Variants in PHKG1 observed in about 807,000 individuals in gnomAD.
PHKG1 encodes phosphorylase b kinase gamma catalytic chain, skeletal muscle/heart isoform.
PHKG1 carries 48 observed loss-of-function variants against 50.5 expected under a neutral mutation model. The ratio of observed to expected loss-of-function variants is 0.95; its 90% CI spans 0.75 to 1.21. The LOEUF is 1.21. Among genes scored for constraint, PHKG1 ranks in the 50% most tolerant of loss-of-function variants. The pLI, the probability that PHKG1 is intolerant of heterozygous loss-of-function variation, is 0.00. For missense variants in PHKG1, 487 were observed against 519.5 expected, an observed-to-expected ratio of 0.94 and a Z score of 0.61; for synonymous variants, 204 against 212.8, an observed-to-expected ratio of 0.96 and a Z score of 0.36.
chr7:56,088,944 T>C lies in PHKG1; in HGVS notation c.-3A>G. Reference sequence around the variant, plus strand: ...GGCAGTGCCTCGTCCCGGGTCATGCTCAGATCTTCAGTGAGGGAACTCTGG... The same window carrying C: ...GGCAGTGCCTCGTCCCGGGTCATGCCCAGATCTTCAGTGAGGGAACTCTGG... On this transcript the variant is annotated 5_prime_UTR_variant, in exon 2 of 10. It removes the in-frame stop codon of an upstream open reading frame in the 5' UTR. Coordinates refer to ENST00000297373, the MANE Select transcript of PHKG1 (RefSeq NM_006213.5). 1.2e-6 allele frequency: 2 copies of C among 1,608,736 alleles called. No individual in the cohort carries two copies. Among genetic ancestry groups the C allele is most frequent in the African/African-American group, 1.3e-5 (1 of 74,886 alleles).
intron 4 of PHKG1, among the ~76,000 whole-genome samples, chr7:56,086,427 C>T (rs1210675658): frequency 6.6e-6 from 1 of 152,122 alleles, no homozygotes; most frequent in East Asian, 1.9e-4. Context: ...AATCCCAGCA[C>T]TTTGGGAGGC....
At chr7:56,092,198 C>A (rs1296313811) in intron 1 of PHKG1, among the ~76,000 whole-genome samples, 1 of 152,194 alleles carries the variant, frequency 6.6e-6, no homozygotes, top group Admixed American at 6.5e-5. Context: ...CAACTTTGTG[C>A]CTCTGTCTAC....
intron 4 of PHKG1, 159 bp downstream of exon 4, chr7:56,086,811 C>G (rs1796270799): frequency 1.6e-6 from 1 of 628,402 alleles, no homozygotes; most frequent in African/African-American, 1.8e-5. Flanking sequence ...CCAAAGCCGG[C>G]AGCCTGACCC....
intron 4 of PHKG1, among the ~76,000 whole-genome samples, chr7:56,085,537 A>G (rs1188092580): frequency 6.6e-6 from 1 of 152,222 alleles, no homozygotes; most frequent in Non-Finnish European, 1.5e-5. Flanking sequence ...GGTGATGGTG[A>G]TGATGATATT....
At chr7:56,092,192 T>A (rs1446859208) in intron 1 of PHKG1, among the ~76,000 whole-genome samples, 1 of 152,284 alleles carries the variant, frequency 6.6e-6, no homozygotes, top group Non-Finnish European at 1.5e-5. Flanking sequence ...TGGGGCCAAC[T>A]TTGTGCCTCT....
chr7:56,090,720 C>G (rs1227017598), intron 1 of PHKG1, among the ~76,000 whole-genome samples: 2 of 152,162 alleles, frequency 1.3e-5, no homozygotes, highest in Non-Finnish European at 2.9e-5. Context: ...TGGGCAGGTA[C>G]CCCTTTGGCT....
At chr7:56,082,358 C>T (rs1176121654) in intron 6 of PHKG1, 105 bp from the exon 7 acceptor site, 7 of 845,384 alleles carry the variant, frequency 8.3e-6, no homozygotes, top group African/African-American at 1.7e-5. Context: ...TTTGGGAGGC[C>T]GAGGCAGGTG....
chr7:56,081,905 G>C lies in PHKG1; in HGVS notation c.780C>G (p.Thr260=), dbSNP rs1317783666. 3.7e-6 allele frequency: 6 copies of C among 1,613,454 alleles called. No homozygotes were observed. Among genetic ancestry groups the C allele is most frequent in the Admixed American group, 1.7e-5 (1 of 59,996 alleles). ...CCTGGCCTCTCACCAGGTCCTTCACGGTGTCCGAGTAATCATCCCACTCGG... is the reference window on the plus strand; with the variant it reads ...CCTGGCCTCTCACCAGGTCCTTCACCGTGTCCGAGTAATCATCCCACTCGG... ...GSPEWDDYSD[T]VKDLVSRFLV... Residue 260 remains threonine, a synonymous_variant, in exon 8 of 10, where the codon ACC becomes ACG. Coordinates refer to ENST00000297373, the MANE Select transcript of PHKG1 (RefSeq NM_006213.5). This position sits in a 1 kb window ranked among gnomAD's most constrained non-coding sequence, Gnocchi z 4.6.
chr7:56,082,108 T>A, intron 7 of PHKG1, 55 bp downstream of exon 7: 1 of 1,611,202 alleles, frequency 6.2e-7, no homozygotes, highest in Non-Finnish European at 8.5e-7. Flanking sequence ...CAGCCCTGCC[T>A]ACTTCCTCCC....
rs189442280 is a variant in PHKG1 at position 56,084,357 on chromosome 7, C to T, written c.318-642G>A. On this transcript the variant is annotated intron_variant, in intron 4 of 9. Coordinates refer to ENST00000297373, the MANE Select transcript of PHKG1 (RefSeq NM_006213.5). ...GGACCCCAGACCCAGATCAGAAGGACGTGAGTATCCCGATTTTTTTTTTTT... is the reference window on the plus strand; with the variant it reads ...GGACCCCAGACCCAGATCAGAAGGATGTGAGTATCCCGATTTTTTTTTTTT... 52 of 543,134 alleles carry T rather than the reference C, an allele frequency of 9.6e-5. 1 individual carries two copies. In the South Asian group the frequency reaches 1.0e-3, roughly 10 times the overall value. The allele number at this position is 543,134 out of a possible 1,614,324, so 33.6% of individuals were successfully genotyped here. A position where few individuals can be genotyped will look rare whatever the true frequency, so the allele number is the denominator to read the frequency against.
At chr7:56,089,489 G>C (rs182312302) in intron 1 of PHKG1, among the ~76,000 whole-genome samples, 3 of 151,120 alleles carry the variant, frequency 2.0e-5, no homozygotes, top group Admixed American at 6.6e-5. Context: ...GCTCACTGCC[G>C]GCTCAACCAC....
intron 6 of PHKG1, 27 bp from the exon 7 acceptor site, chr7:56,082,280 G>C (rs771381553): frequency 6.4e-7 from 1 of 1,564,572 alleles, no homozygotes; most frequent in East Asian, 2.2e-5. Context: ...CATCAGGGCA[G>C]GTCAGCAGGG....
At chr7:56,084,389 T>TTTC in intron 4 of PHKG1, 50 of 562,930 alleles carry the variant, frequency 8.9e-5, no homozygotes, top group Non-Finnish European at 1.3e-4. Flanking sequence ...TTTTTTTTTT[T>TTTC]TTGAGATGGA....
intron 4 of PHKG1, among the ~76,000 whole-genome samples, chr7:56,085,164 T>C (rs1362603944): frequency 6.6e-6 from 1 of 152,216 alleles, no homozygotes; most frequent in East Asian, 1.9e-4. Context: ...TTTTGCCATG[T>C]TGCCCAGGCT....
chr7:56,081,823 G>A lies in PHKG1; in HGVS notation c.793-68C>T. The A allele has an allele frequency of 1.2e-6, 2 of 1,608,488 alleles. No homozygotes were observed. Among genetic ancestry groups the A allele is most frequent in the Non-Finnish European group, 1.7e-6 (2 of 1,176,982 alleles). ...CCCCTCCAGCATGTCAGGAAAGGCA[G>A]GGCCTCCCCGGGCAGGGGCGCCTGG... On this transcript the variant is annotated intron_variant, in intron 8 of 9. Transcript: ENST00000297373. The surrounding 1 kb of genome is among the most constrained non-coding windows in gnomAD (Gnocchi z 4.6).
intron 4 of PHKG1, among the ~76,000 whole-genome samples, chr7:56,084,980 C>T (rs1796193036): frequency 6.6e-6 from 1 of 151,216 alleles, no homozygotes; most frequent in African/African-American, 2.4e-5. Flanking sequence ...TGGAGGGGTC[C>T]GAGAAAGTCT....
At position 56,082,221 on chromosome 7, in the gene PHKG1, CAG is replaced by C. The variant is rs752241091; in HGVS notation, c.578_579del (p.Pro193ArgfsTer9). ...EVCGTPSYLA[P>X]EIIECSMNED... ...TCATTCATGGAGCACTCGATAATCT[CAG>C]GGGCCAGGTAACTGGGGGTCCCGCA... On this transcript the variant is annotated frameshift_variant, in exon 7 of 10. Coordinates refer to ENST00000297373, the MANE Select transcript of PHKG1 (RefSeq NM_006213.5). LOFTEE classifies it high-confidence loss of function. 18 of 1,613,840 alleles carry C rather than the reference CAG, an allele frequency of 1.1e-5. No homozygotes were observed. Among genetic ancestry groups the C allele is most frequent in the African/African-American group, 2.7e-5 (2 of 75,066 alleles).
chr7:56,081,049 G>A lies in PHKG1; in HGVS notation c.*5C>T, dbSNP rs1220588774. On this transcript the variant is annotated 3_prime_UTR_variant, in exon 10 of 10. Transcript: ENST00000297373. This position sits in a 1 kb window ranked among gnomAD's most constrained non-coding sequence, Gnocchi z 4.6. The stretch of plus-strand genomic sequence containing the variant: ...CCCCCTAGCCCTCCCTGACTGGCCA[G>A]CCCCTCAGTAGTCCTCCTCGGCCAG... 6.2e-7 allele frequency: 1 copy of A among 1,611,234 alleles called. No individual in the cohort carries two copies. Among genetic ancestry groups the A allele is most frequent in the East Asian group, 2.2e-5 (1 of 44,886 alleles).
chr7:56,083,863 G>C, intron 4 of PHKG1, 148 bp from the exon 5 acceptor site: 1 of 658,780 alleles, frequency 1.5e-6, no homozygotes, highest in Non-Finnish European at 2.7e-6. Context: ...GAGAGGAGCC[G>C]GGGAAGTGAG....
Sources: allele counts gnomAD v4.1 joint callset (sites outside exome capture counted in the v4.1 genomes callset), GRCh38; gene constraint gnomAD v4.1.1; non-coding constraint Gnocchi (gnomAD v3.1); transcripts MANE v1.5; gene names NCBI Gene and HGNC (gene_info 2026-07-23, HGNC 2026-07-21).